The following GPHN variants were observed in gnomAD, a reference collection of about 807,000 sequenced individuals.
GPHN encodes the protein gephyrin.
GPHN carries 17 observed loss-of-function variants against 95.5 expected under a neutral mutation model. The ratio of observed to expected loss-of-function variants is 0.18; its 90% CI spans 0.12 to 0.27. GPHN has a LOEUF of 0.27. Among genes scored for constraint, GPHN ranks in the 10% least tolerant of loss-of-function variants. The pLI is 1.00. For missense variants in GPHN, 660 were observed against 978.1 expected (o/e 0.67, Z 4.34); for synonymous variants, 320 against 322.5 (o/e 0.99, Z 0.08).
chr14:67,085,622 A>C (rs1000056992), intron 11 of GPHN, among the ~76,000 whole-genome samples: 18 of 152,354 alleles, frequency 1.2e-4, no homozygotes, highest in African/African-American at 4.3e-4. Flanking sequence ...AGGGTGTAAA[A>C]GTGACTATAC....
At chr14:66,934,517 C>T (rs2067001834) in intron 8 of GPHN, among the ~76,000 whole-genome samples, 1 of 152,174 alleles carries the variant, frequency 6.6e-6, no homozygotes, top group African/African-American at 2.4e-5. Context: ...TTTCACCTAG[C>T]CACAGTCATT....
chr14:66,795,507 C>G (rs1300687240), intron 3 of GPHN, among the ~76,000 whole-genome samples: 2 of 151,962 alleles, frequency 1.3e-5, no homozygotes, highest in Admixed American at 6.6e-5. Context: ...TAGATTAATA[C>G]AGTAGCTTTT....
intron 4 of GPHN, among the ~76,000 whole-genome samples, chr14:66,858,357 G>T (rs1375043686): frequency 6.6e-6 from 1 of 151,924 alleles, no homozygotes; most frequent in Admixed American, 6.6e-5. Flanking sequence ...ACCAGGCAGA[G>T]TCATGAGGCC....
intron 4 of GPHN, among the ~76,000 whole-genome samples, chr14:66,864,865 A>G (rs1354894642): frequency 6.6e-6 from 1 of 152,150 alleles, no homozygotes; most frequent in Non-Finnish European, 1.5e-5. Context: ...TGTGGAATCA[A>G]CCTAAGTGTC....
intron 8 of GPHN, among the ~76,000 whole-genome samples, chr14:66,963,857 T>A (rs900719988): frequency 5.3e-5 from 8 of 152,160 alleles, no homozygotes; most frequent in African/African-American, 1.9e-4. Context: ...AGAAATAGCA[T>A]TAGTTTTGTG....
intron 1 of GPHN, among the ~76,000 whole-genome samples, chr14:66,633,460 T>C (rs1222815329): frequency 6.6e-6 from 1 of 152,184 alleles, no homozygotes; most frequent in East Asian, 1.9e-4. Flanking sequence ...TGTATACTCT[T>C]TCTGTTTGGC....
chr14:66,520,701 C>CTT (rs11384746), intron 1 of GPHN, among the ~76,000 whole-genome samples: 162 of 146,930 alleles, frequency 1.1e-3, no homozygotes, highest in Middle Eastern at 3.6e-3. Context: ...GAAATATTTT[C>CTT]TTTTTTTTTT....
intron 4 of GPHN, among the ~76,000 whole-genome samples, chr14:66,868,421 T>G (rs1221537470): frequency 2.0e-5 from 3 of 151,936 alleles, no homozygotes; most frequent in Non-Finnish European, 2.9e-5. Context: ...TAAGACAGAG[T>G]CTCACTCTGT....
At chr14:66,726,144 T>A (rs1277531194) in intron 2 of GPHN, among the ~76,000 whole-genome samples, 1 of 152,226 alleles carries the variant, frequency 6.6e-6, no homozygotes, top group African/African-American at 2.4e-5. Flanking sequence ...TAAACACTTT[T>A]TTGCAAGGCA....
chr14:66,932,403 G>A (rs962484853), intron 8 of GPHN, among the ~76,000 whole-genome samples: 3 of 138,400 alleles, frequency 2.2e-5, no homozygotes, highest in African/African-American at 8.1e-5. Context: ...GAAAGACCAA[G>A]GGATCTTTAG....
At chr14:67,652,375 C>G in the GPHN span, 1 of 174,014 alleles carries the variant, frequency 5.7e-6, no homozygotes, top group Non-Finnish European at 1.3e-5. Flanking sequence ...AAGTCAATCC[C>G]ATTTCTTGGG....
chr14:67,643,147 T>C, the GPHN span, among the ~76,000 whole-genome samples: 149 of 152,342 alleles, frequency 9.8e-4, no homozygotes, highest in African/African-American at 3.5e-3. Context: ...TAGTGACTCA[T>C]GCAATCAGTC....
the GPHN span, among the ~76,000 whole-genome samples, chr14:67,222,412 C>T: frequency 6.6e-6 from 1 of 152,144 alleles, no homozygotes; most frequent in African/African-American, 2.4e-5. Flanking sequence ...CTGCCTCAGC[C>T]TCCTGAGTAG....
the GPHN span, among the ~76,000 whole-genome samples, chr14:67,193,857 A>T: frequency 4.5e-4 from 67 of 148,368 alleles, 1 homozygote; most frequent in Middle Eastern, 0.01. Context: ...AGGTGAGAGG[A>T]TCACTTGGGC....
chr14:66,890,565 TC>T (rs1162371094), intron 5 of GPHN, among the ~76,000 whole-genome samples: 1 of 152,096 alleles, frequency 6.6e-6, no homozygotes, highest in Non-Finnish European at 1.5e-5. Flanking sequence ...AGACAACACT[TC>T]CTAACTCATT....
At chr14:67,387,250 C>T in the GPHN span, 1 of 1,425,958 alleles carries the variant, frequency 7.0e-7, no homozygotes, top group Admixed American at 2.3e-5. Flanking sequence ...AGTCAAAAGT[C>T]TTAACACTCC....
At chr14:67,626,378 C>T in the GPHN span, among the ~76,000 whole-genome samples, 5 of 152,294 alleles carry the variant, frequency 3.3e-5, no homozygotes, top group South Asian at 1.0e-3. Context: ...ACCTGTCATA[C>T]ACTACTGGTG....
chr14:66,959,161 C>T (rs2068731101), intron 8 of GPHN, among the ~76,000 whole-genome samples: 1 of 152,036 alleles, frequency 6.6e-6, no homozygotes, highest in African/African-American at 2.4e-5. Context: ...GTATGCCTGT[C>T]AACATAGATC....
chr14:67,693,288 C>A, the GPHN span, among the ~76,000 whole-genome samples: 9 of 152,342 alleles, frequency 5.9e-5, no homozygotes, highest in Non-Finnish European at 1.0e-4. Flanking sequence ...CTGTTCTCTG[C>A]AGCACAAGAA....
Sources: gnomAD v4.1 joint callset for allele counts (sites outside exome capture counted in the v4.1 genomes callset) on GRCh38, gnomAD v4.1.1 for gene constraint, MANE v1.5 for transcripts, NCBI Gene and HGNC (gene_info 2026-07-23, HGNC 2026-07-21) for gene names.